The following NELL1 variants were observed in gnomAD, a reference collection of about 807,000 sequenced individuals.
NELL1 encodes neural EGFL like 1, also known as protein kinase C-binding protein NELL1.
Under a neutral mutation model 107.4 loss-of-function variants are expected in NELL1, and 76 were observed. That is an observed-to-expected ratio of 0.71 (90% CI 0.59 to 0.86). The LOEUF is 0.86. NELL1 is among the 40% of genes least tolerant of loss of function. The pLI, the probability that NELL1 is intolerant of heterozygous loss-of-function variation, is 0.00. For synonymous variants in NELL1, 353 were observed against 341.2 expected, an observed-to-expected ratio of 1.03 and a Z score of -0.38; for missense variants, 1,024 against 1,005.5, an observed-to-expected ratio of 1.02 and a Z score of -0.25.
At chr11:21,032,002 G>A (rs141437868) in intron 12 of NELL1, among the ~76,000 whole-genome samples, 31 of 151,152 alleles carry the variant, frequency 2.1e-4, no homozygotes, top group African/African-American at 6.8e-4. Flanking sequence ...CCAAGATTGC[G>A]CTCCTGCACG....
rs1035259554 is a variant in NELL1, at chr11:21,174,545, A to G, written c.1427-54787A>G. Among the ~76,000 whole-genome samples, 5 of 151,862 alleles carry G rather than the reference A, an allele frequency of 3.3e-5. 1 individual carries two copies. Among genetic ancestry groups the G allele is most frequent in the African/African-American group, 1.2e-4 (5 of 41,156 alleles). On this transcript the variant is annotated intron_variant, in intron 13 of 19. Transcript: ENST00000357134. ...AAATATATCCTCTATCTTGAACAGT[A>G]GAAGTGAGGGACAGACAATGAGGAT...
At chr11:21,563,247 A>G (rs918239595) in intron 17 of NELL1, among the ~76,000 whole-genome samples, 3 of 152,088 alleles carry the variant, frequency 2.0e-5, no homozygotes, top group African/African-American at 7.2e-5. Context: ...CTTTAGGAAG[A>G]CATCTTTATT....
chr11:21,031,607 T>A (rs935644564), intron 12 of NELL1, among the ~76,000 whole-genome samples: 1 of 152,194 alleles, frequency 6.6e-6, no homozygotes, highest in South Asian at 2.1e-4. Context: ...GTGAAAATAA[T>A]AGCACTTTGT....
At position 20,673,085 on chromosome 11, in the gene NELL1, C is replaced by A. The variant is rs1048593224; in HGVS notation, c.55+3307C>A. Among the ~76,000 whole-genome samples, 6 of 151,072 alleles carry A rather than the reference C, an allele frequency of 4.0e-5. No individual in the cohort carries two copies. In the Admixed American group the frequency reaches 4.0e-4, roughly 10 times the overall value. ...TCATATTGGTCAGGCTGGTCTCGAA[C>A]TCCTGACCTCAGGTGATCTGCCCGC... On this transcript the variant is annotated intron_variant, in intron 1 of 19. Coordinates refer to ENST00000357134, the MANE Select transcript of NELL1 (RefSeq NM_006157.5).
intron 3 of NELL1, among the ~76,000 whole-genome samples, chr11:20,803,111 A>G (rs757746260): frequency 1.3e-5 from 2 of 151,612 alleles, no homozygotes; most frequent in Non-Finnish European, 2.9e-5. Context: ...TCCCTCCTCT[A>G]TTTTTCAGGA....
In NELL1 at chr11:20,927,427, G is replaced by A. The variant is rs954024154; in HGVS notation, c.879G>A (p.Arg293=). 1 of 1,609,114 alleles carries A rather than the reference G, an allele frequency of 6.2e-7. No individual in the cohort carries two copies. Among genetic ancestry groups the A allele is most frequent in the African/African-American group, 1.3e-5 (1 of 74,696 alleles). The change falls in exon 8 of 20, where the codon AGG becomes AGA. Residue 293 remains arginine (R), a synonymous_variant. Transcript: ENST00000357134. ...CTTGGGTAGATGGTGACCATTGCAG[G>A]AACTGCACTTGCAAAGTAAGCCTCT... The part of the protein sequence containing the change: ...QDSWVDGDHC[R]NCTCKSGAVE...
intron 12 of NELL1, among the ~76,000 whole-genome samples, chr11:21,023,936 T>C (rs1334158326): frequency 6.6e-6 from 1 of 152,108 alleles, no homozygotes; most frequent in Admixed American, 6.6e-5. Context: ...CTCTAAGACA[T>C]TGCAGTGTTG....
intron 12 of NELL1, among the ~76,000 whole-genome samples, chr11:20,999,385 C>A (rs1239610082): frequency 6.6e-6 from 1 of 152,108 alleles, no homozygotes; most frequent in African/African-American, 2.4e-5. Context: ...TTCTTAGGAC[C>A]CTGGCTGCAC....
intron 18 of NELL1, among the ~76,000 whole-genome samples, chr11:21,571,245 T>A (rs913864129): frequency 3.3e-5 from 5 of 151,930 alleles, no homozygotes; most frequent in Admixed American, 2.0e-4. Context: ...AAACCTTGAC[T>A]AGTGCTTGTA....
At chr11:21,409,265 G>A (rs1367092289) in intron 15 of NELL1, among the ~76,000 whole-genome samples, 2 of 152,042 alleles carry the variant, frequency 1.3e-5, no homozygotes, top group Non-Finnish European at 2.9e-5. Flanking sequence ...AAAATGATGA[G>A]TTCATGTCCT....
intron 13 of NELL1, among the ~76,000 whole-genome samples, chr11:21,194,898 A>G (rs1399093325): frequency 6.6e-6 from 1 of 152,134 alleles, no homozygotes; most frequent in Non-Finnish European, 1.5e-5. Context: ...GAGTAAGCAG[A>G]TTACAGGGGT....
intron 11 of NELL1, among the ~76,000 whole-genome samples, chr11:20,956,454 G>A (rs1851173432): frequency 6.6e-6 from 1 of 151,918 alleles, no homozygotes; most frequent in South Asian, 2.1e-4. Context: ...AGACTGTCCT[G>A]GCTATCACGG....
intron 12 of NELL1, among the ~76,000 whole-genome samples, chr11:20,980,662 A>C (rs1851732073): frequency 6.6e-6 from 1 of 152,206 alleles, no homozygotes; most frequent in African/African-American, 2.4e-5. Context: ...ACAATATTGC[A>C]TATCAATTTA....
At chr11:20,787,316 A>C (rs1399772446) in intron 3 of NELL1, among the ~76,000 whole-genome samples, 5 of 152,136 alleles carry the variant, frequency 3.3e-5, no homozygotes, top group Non-Finnish European at 7.3e-5. Context: ...ACTGGAATGT[A>C]AGAAAATAGA....
At chr11:21,525,889 A>G (rs773490405) in intron 15 of NELL1, among the ~76,000 whole-genome samples, 42 of 152,198 alleles carry the variant, frequency 2.8e-4, no homozygotes, top group Admixed American at 9.2e-4. Flanking sequence ...CATGGGGATT[A>G]CTACAATCCA....
chr11:20,880,180 TCA>T (rs989068755), intron 4 of NELL1, among the ~76,000 whole-genome samples: 1 of 152,250 alleles, frequency 6.6e-6, no homozygotes, highest in African/African-American at 2.4e-5. Context: ...AAATTCCCTG[TCA>T]CAGTGATGTC....
At chr11:21,347,935 A>C (rs923697148) in intron 14 of NELL1, among the ~76,000 whole-genome samples, 1 of 152,164 alleles carries the variant, frequency 6.6e-6, no homozygotes, top group African/African-American at 2.4e-5. Context: ...TAAGTAGTTC[A>C]AAAGAAGGTT....
intron 14 of NELL1, among the ~76,000 whole-genome samples, chr11:21,327,087 G>T (rs1237240954): frequency 6.6e-6 from 1 of 150,616 alleles, no homozygotes; most frequent in Admixed American, 6.6e-5. Flanking sequence ...GAGGGAACTG[G>T]TGGGAGGTTA....
chr11:21,485,381 C>T (rs1364001144), intron 15 of NELL1, among the ~76,000 whole-genome samples: 3 of 151,850 alleles, frequency 2.0e-5, no homozygotes, highest in East Asian at 1.9e-4. Context: ...TGCCTATTCT[C>T]CTCCCACTGA....
Sources: gnomAD v4.1 joint callset for allele counts (sites outside exome capture counted in the v4.1 genomes callset) on GRCh38, gnomAD v4.1.1 for gene constraint, MANE v1.5 for transcripts, NCBI Gene and HGNC (gene_info 2026-07-23, HGNC 2026-07-21) for gene names.